SND1: variants seen among roughly 807,000 people sequenced by gnomAD.
SND1 encodes the protein staphylococcal nuclease domain-containing protein 1.
SND1 carries 38 observed loss-of-function variants against 121.7 expected under a neutral mutation model. The ratio of observed to expected loss-of-function variants is 0.31; its 90% CI spans 0.24 to 0.41. SND1 has a LOEUF of 0.41. Among genes scored for constraint, SND1 ranks in the 10% least tolerant of loss-of-function variants. SND1 has a pLI of 1.00. For synonymous variants in SND1, 401 were observed against 447.4 expected, an observed-to-expected ratio of 0.90 and a Z score of 1.31; for missense variants, 868 against 1,184.6, an observed-to-expected ratio of 0.73 and a Z score of 3.92.
At chr7:127,774,360 A>G (rs969316314) in intron 10 of SND1, among the ~76,000 whole-genome samples, 7 of 152,228 alleles carry the variant, frequency 4.6e-5, no homozygotes, top group Non-Finnish European at 7.3e-5. Flanking sequence ...GTAAGCCAAG[A>G]TTAATCTATT....
chr7:128,031,716 CG>C (rs1434677505), intron 16 of SND1: 3 of 142,848 alleles, frequency 2.1e-5, no homozygotes, highest in Non-Finnish European at 4.6e-5. Context: ...TCAGAGAGTC[CG>C]GGGGCGGGCG....
chr7:128,091,747 C>G (rs1793784252), intron 22 of SND1, 90 bp from the exon 23 acceptor site: 2 of 1,370,692 alleles, frequency 1.5e-6, no homozygotes, highest in Non-Finnish European at 2.1e-6. Flanking sequence ...AGGGAGAGCT[C>G]TGGCGCTTAC....
chr7:128,033,608 A>C (rs558469951), intron 16 of SND1, among the ~76,000 whole-genome samples: 1 of 152,358 alleles, frequency 6.6e-6, no homozygotes, highest in South Asian at 2.1e-4. Context: ...AGTCCTGGAA[A>C]CGGTTCCTTT....
At chr7:127,750,488 G>C (rs565692255) in intron 10 of SND1, among the ~76,000 whole-genome samples, 12 of 152,318 alleles carry the variant, frequency 7.9e-5, no homozygotes, top group African/African-American at 1.9e-4. Context: ...CCTCAGTGGG[G>C]TTGTGGGTAG....
chr7:127,780,011 T>C (rs1280942446), intron 10 of SND1, among the ~76,000 whole-genome samples: 1 of 152,200 alleles, frequency 6.6e-6, no homozygotes, highest in Non-Finnish European at 1.5e-5. Context: ...TCTCCATTAC[T>C]AGACTTTTAG....
rs111417881 is a variant in SND1, at chr7:127,984,085, C to T, written c.1670-6862C>T. The stretch of plus-strand genomic sequence containing the variant: ...TCTTCCCTTTAAAGGCAGGTCTCCA[C>T]GCCCCTGAGTCATTTTCCCCTGCTC... On this transcript the variant is annotated intron_variant, in intron 15 of 23. Coordinates refer to ENST00000354725, the MANE Select transcript of SND1 (RefSeq NM_014390.4). Among the ~76,000 whole-genome samples the T allele has an allele frequency of 5.3e-3, 814 of 152,296 alleles. 8 individuals carry two copies. The highest frequency in any genetic ancestry group is 0.018 in the African/African-American group (765 of 41,540).
chr7:127,726,626 C>A (rs1036599844), intron 10 of SND1, among the ~76,000 whole-genome samples: 2 of 152,128 alleles, frequency 1.3e-5, no homozygotes, highest in African/African-American at 4.8e-5. Flanking sequence ...ACTGGAAAGC[C>A]TAGTGCTCTA....
chr7:127,900,363 G>C lies in SND1; in HGVS notation c.1455-4384G>C, dbSNP rs181944939. On this transcript the variant is annotated intron_variant, in intron 13 of 23. Coordinates refer to ENST00000354725, the MANE Select transcript of SND1 (RefSeq NM_014390.4). ...AAGATGGAGGCCTGTTTGTTGGCAC[G>C]GGAGGGACTGTGACTGCGGTGCTCA... Among the ~76,000 whole-genome samples the C allele has an allele frequency of 3.0e-4, 46 of 152,308 alleles. 1 individual carries two copies. Among genetic ancestry groups the C allele is most frequent in the African/African-American group, 1.0e-3 (43 of 41,572 alleles).
At chr7:128,020,272 C>T (rs186900269) in intron 16 of SND1, among the ~76,000 whole-genome samples, 2 of 152,340 alleles carry the variant, frequency 1.3e-5, no homozygotes, top group Admixed American at 1.3e-4. Flanking sequence ...TGGGAAAGGC[C>T]TTCCCCCCTC....
chr7:127,748,664 T>C (rs1797022607), intron 10 of SND1, among the ~76,000 whole-genome samples: 1 of 152,222 alleles, frequency 6.6e-6, no homozygotes, highest in Non-Finnish European at 1.5e-5. Flanking sequence ...TATTCCTACT[T>C]CAGTAGAAAG....
chr7:127,869,627 C>T (rs930119482), intron 12 of SND1, among the ~76,000 whole-genome samples: 1 of 152,040 alleles, frequency 6.6e-6, no homozygotes, highest in African/African-American at 2.4e-5. Flanking sequence ...TACCTTTCAC[C>T]CAGTTTCCAC....
chr7:127,703,722 T>A (rs1213904835), intron 7 of SND1, among the ~76,000 whole-genome samples: 1 of 152,104 alleles, frequency 6.6e-6, no homozygotes, highest in Non-Finnish European at 1.5e-5. Context: ...AAAAAAAAAT[T>A]ATGGCAGGAT....
intron 12 of SND1, among the ~76,000 whole-genome samples, chr7:127,882,799 G>C (rs968294292): frequency 6.6e-6 from 1 of 152,144 alleles, no homozygotes; most frequent in East Asian, 1.9e-4. Context: ...TAAATTGTGT[G>C]CCATGACATT....
intron 12 of SND1, among the ~76,000 whole-genome samples, chr7:127,861,947 A>G (rs1171727397): frequency 1.3e-5 from 2 of 152,194 alleles, no homozygotes; most frequent in Non-Finnish European, 2.9e-5. Context: ...CATCTTTAAC[A>G]CATTTGTTGA....
chr7:127,729,093 T>A (rs12667197), intron 10 of SND1, among the ~76,000 whole-genome samples: 41,584 of 151,916 alleles, frequency 0.27, 7,194 homozygotes, highest in East Asian at 0.7. Context: ...ATTAGCACAG[T>A]GAAGATTGAG....
chr7:127,992,246 C>T (rs1802539136), intron 16 of SND1, among the ~76,000 whole-genome samples: 1 of 152,150 alleles, frequency 6.6e-6, no homozygotes, highest in Non-Finnish European at 1.5e-5. Flanking sequence ...CTTATATTGA[C>T]ATGGAAGGTG....
intron 16 of SND1, among the ~76,000 whole-genome samples, chr7:128,026,543 A>G (rs188561210): frequency 2.6e-5 from 4 of 152,338 alleles, no homozygotes; most frequent in African/African-American, 9.6e-5. Context: ...TCTGGACATT[A>G]TTACTTGGTA....
At chr7:128,065,244 GGAAGGGAAT>G (rs1793293415) in intron 16 of SND1, among the ~76,000 whole-genome samples, 1 of 152,234 alleles carries the variant, frequency 6.6e-6, no homozygotes, top group East Asian at 1.9e-4. Flanking sequence ...CAAGATGGAT[GGAAGGGAAT>G]GAAGTAATCA....
At chr7:127,877,184 G>T (rs1799706598) in intron 12 of SND1, among the ~76,000 whole-genome samples, 1 of 152,076 alleles carries the variant, frequency 6.6e-6, no homozygotes, top group Admixed American at 6.6e-5. Context: ...ATAAGAGGTG[G>T]CAACAAGATT....
Sources: gnomAD v4.1 joint callset for allele counts (sites outside exome capture counted in the v4.1 genomes callset) on GRCh38, gnomAD v4.1.1 for gene constraint, MANE v1.5 for transcripts, NCBI Gene and HGNC (gene_info 2026-07-23, HGNC 2026-07-21) for gene names.